Variants in ST7 observed in about 807,000 individuals in gnomAD.
ST7 encodes the protein suppressor of tumorigenicity 7 protein.
In ST7, 28 loss-of-function variants were observed where a neutral mutation model predicts 78.7. The observed-to-expected ratio is 0.36, with a 90% CI of 0.26 to 0.49. The LOEUF (loss-of-function observed/expected upper bound fraction) is 0.49, where lower values mean the gene tolerates loss of function less well. Ranked by LOEUF, ST7 falls within the 20% of genes least tolerant of loss-of-function variation. The pLI is 0.99. For synonymous variants in ST7, 247 were observed against 249.6 expected (o/e 0.99, Z 0.10); for missense variants, 418 against 696.0 (o/e 0.60, Z 4.49).
At chr7:116,985,053 A>G (rs1794133894) in intron 1 of ST7, among the ~76,000 whole-genome samples, 1 of 152,166 alleles carries the variant, frequency 6.6e-6, no homozygotes, top group Non-Finnish European at 1.5e-5. Context: ...GCTCTCCTAT[A>G]TAAAGTTACA....
chr7:116,997,617 C>T (rs1429860107), intron 1 of ST7, among the ~76,000 whole-genome samples: 1 of 151,838 alleles, frequency 6.6e-6, no homozygotes, highest in African/African-American at 2.4e-5. Flanking sequence ...AAAGATTCTC[C>T]AAGTCTCCAC....
chr7:117,197,321 G>A (rs62469375), intron 12 of ST7, among the ~76,000 whole-genome samples: 58 of 152,324 alleles, frequency 3.8e-4, no homozygotes, highest in Non-Finnish European at 6.3e-4. Flanking sequence ...TGCACACAGC[G>A]TAATCTACTT....
intron 13 of ST7, among the ~76,000 whole-genome samples, chr7:117,214,343 T>C (rs1315599687): frequency 6.6e-6 from 1 of 152,152 alleles, no homozygotes; most frequent in African/African-American, 2.4e-5. Flanking sequence ...GGATGGTGTT[T>C]TTTAGGGGAA....
chr7:117,043,347 A>G (rs1244227696), intron 1 of ST7, among the ~76,000 whole-genome samples: 1 of 152,176 alleles, frequency 6.6e-6, no homozygotes, highest in African/African-American at 2.4e-5. Flanking sequence ...AATAATGACT[A>G]ATGAAGCAAG....
chr7:116,978,486 T>A (rs1793801976), intron 1 of ST7, among the ~76,000 whole-genome samples: 1 of 152,218 alleles, frequency 6.6e-6, no homozygotes, highest in Non-Finnish European at 1.5e-5. Context: ...AATGCTTCAA[T>A]ATACATTATG....
At chr7:117,179,150 G>A (rs1334834751) in intron 10 of ST7, among the ~76,000 whole-genome samples, 1 of 152,192 alleles carries the variant, frequency 6.6e-6, no homozygotes, top group African/African-American at 2.4e-5. Context: ...CAGTACACAT[G>A]TTGAGAAATA....
chr7:117,138,342 C>G (rs1042063202), intron 8 of ST7, 93 bp from the exon 9 acceptor site: 6 of 679,630 alleles, frequency 8.8e-6, no homozygotes, highest in Non-Finnish European at 1.2e-5. Flanking sequence ...ACAAAGTTGT[C>G]AGTGCTATGA....
chr7:117,119,256 T>C (rs1364814528), intron 2 of ST7, among the ~76,000 whole-genome samples: 1 of 152,244 alleles, frequency 6.6e-6, no homozygotes, highest in African/African-American at 2.4e-5. Context: ...TCAGCTATGG[T>C]GATTTTGTTA....
intron 2 of ST7, among the ~76,000 whole-genome samples, chr7:117,102,266 C>T (rs1035830053): frequency 5.3e-5 from 8 of 152,094 alleles, no homozygotes; most frequent in Non-Finnish European, 7.4e-5. Flanking sequence ...TTTGTCGGGG[C>T]GGGGGCAGGA....
At chr7:117,196,245 C>T (rs1439479057) in intron 12 of ST7, among the ~76,000 whole-genome samples, 1 of 152,172 alleles carries the variant, frequency 6.6e-6, no homozygotes, top group Non-Finnish European at 1.5e-5. Context: ...CAAATATTCT[C>T]CTCAAGATCC....
At chr7:117,122,157 G>A (rs1462694170) in intron 3 of ST7, among the ~76,000 whole-genome samples, 2 of 152,172 alleles carry the variant, frequency 1.3e-5, no homozygotes, top group Non-Finnish European at 2.9e-5. Context: ...TGTAGGCAGA[G>A]CATCATGAGA....
At chr7:117,210,285 G>A (rs183517425) in intron 13 of ST7, among the ~76,000 whole-genome samples, 192 of 152,294 alleles carry the variant, frequency 1.3e-3, no homozygotes, top group African/African-American at 4.2e-3. Flanking sequence ...GCTTCGTGCT[G>A]GACACTGATG....
chr7:117,110,192 A>G (rs973647157), intron 2 of ST7, among the ~76,000 whole-genome samples: 1 of 152,238 alleles, frequency 6.6e-6, no homozygotes, highest in Admixed American at 6.5e-5. Flanking sequence ...GTATTTTAAC[A>G]TTTTCATTCA....
chr7:117,021,841 AT>A (rs1361188239), intron 1 of ST7, among the ~76,000 whole-genome samples: 1 of 152,162 alleles, frequency 6.6e-6, no homozygotes, highest in African/African-American at 2.4e-5. Context: ...TTTAGGCATA[AT>A]TTTTTAATTC....
chr7:117,201,544 GT>G (rs1000103435), intron 12 of ST7, among the ~76,000 whole-genome samples: 5 of 146,984 alleles, frequency 3.4e-5, no homozygotes, highest in African/African-American at 1.3e-4. Context: ...TGCTTTTTAT[GT>G]TTTTTTTGTG....
intron 1 of ST7, among the ~76,000 whole-genome samples, chr7:117,058,359 T>A (rs533810627): frequency 6.6e-6 from 1 of 152,336 alleles, no homozygotes; most frequent in South Asian, 2.1e-4. Flanking sequence ...TGGAAATTAA[T>A]GATCAGTTTG....
At chr7:117,032,751 G>T (rs1329371555) in intron 1 of ST7, among the ~76,000 whole-genome samples, 3 of 152,106 alleles carry the variant, frequency 2.0e-5, no homozygotes, top group Non-Finnish European at 2.9e-5. Flanking sequence ...ATCCACCTTT[G>T]TTTTAGGCAG....
chr7:117,120,842 T>C (rs1234153723), intron 3 of ST7, among the ~76,000 whole-genome samples: 1 of 152,076 alleles, frequency 6.6e-6, no homozygotes, highest in Non-Finnish European at 1.5e-5. Context: ...GCACTAAGAA[T>C]AGCATCAACA....
At chr7:116,998,358 T>G (rs983185437) in intron 1 of ST7, among the ~76,000 whole-genome samples, 1 of 152,176 alleles carries the variant, frequency 6.6e-6, no homozygotes, top group African/African-American at 2.4e-5. Flanking sequence ...TGTGCAGCCC[T>G]GGTTCCTGCC....
Sources: allele counts gnomAD v4.1 joint callset (sites outside exome capture counted in the v4.1 genomes callset), GRCh38; gene constraint gnomAD v4.1.1; transcripts MANE v1.5; gene names NCBI Gene and HGNC (gene_info 2026-07-23, HGNC 2026-07-21).